The following RANBP17 variants were observed in gnomAD, a reference collection of about 807,000 sequenced individuals.
RANBP17 encodes RAN binding protein 17.
Under a neutral mutation model 141.2 loss-of-function variants are expected in RANBP17, and 158 were observed. That is an observed-to-expected ratio of 1.12 (90% CI 0.98 to 1.28). The LOEUF is 1.28. RANBP17 is among the 50% of genes most tolerant of loss of function. RANBP17 has a pLI of 0.00. For missense variants in RANBP17, 1,438 were observed against 1,290.7 expected (o/e 1.11, Z -1.75); for synonymous variants, 430 against 450.0 (o/e 0.96, Z 0.56).
At chr5:170,918,014 A>G (rs1051903873) in intron 9 of RANBP17, among the ~76,000 whole-genome samples, 2 of 152,114 alleles carry the variant, frequency 1.3e-5, no homozygotes, top group African/African-American at 4.8e-5. Flanking sequence ...ATTCTGTTTC[A>G]TCCCAGCTAC....
chr5:170,953,688 A>G lies in RANBP17; in HGVS notation c.1560A>G (p.Gly520=). The change falls in exon 13 of 28, where the codon GGA becomes GGG. Residue 520 remains glycine, a synonymous_variant. Coordinates refer to ENST00000523189, the MANE Select transcript of RANBP17 (RefSeq NM_022897.5). ...TSTDEHDAMD[G]ELSCRVFQLI... is the part of the protein sequence containing the mutation. The stretch of plus-strand genomic sequence containing the variant: ...CAGATGAGCATGATGCTATGGATGG[A>G]GAATTATCCTGTCGGTAAGTAAGAG... 2 of 1,598,534 alleles carry G rather than the reference A, an allele frequency of 1.3e-6. No individual in the cohort carries two copies. Among genetic ancestry groups the G allele is most frequent in the South Asian group, 1.1e-5 (1 of 90,098 alleles).
chr5:170,932,162 T>C (rs936165049), intron 12 of RANBP17, among the ~76,000 whole-genome samples: 20 of 152,210 alleles, frequency 1.3e-4, no homozygotes, highest in African/African-American at 4.3e-4. Context: ...TTATTCTCTT[T>C]GAAGCAATTG....
At chr5:171,050,245 T>C (rs1054750567) in intron 14 of RANBP17, among the ~76,000 whole-genome samples, 3 of 152,200 alleles carry the variant, frequency 2.0e-5, no homozygotes, top group Non-Finnish European at 4.4e-5. Flanking sequence ...AAACTACTAT[T>C]AGTATCTTCA....
At chr5:171,056,152 C>T (rs979906631) in intron 14 of RANBP17, among the ~76,000 whole-genome samples, 1 of 152,134 alleles carries the variant, frequency 6.6e-6, no homozygotes, top group African/African-American at 2.4e-5. Context: ...AAGATTACTT[C>T]AGTTTTCTAT....
intron 5 of RANBP17, chr5:170,903,985 C>CT (rs1179935769): frequency 1.4e-5 from 7 of 485,440 alleles, no homozygotes; most frequent in Non-Finnish European, 2.8e-5. Flanking sequence ...AACATTCCTA[C>CT]TAAAAGATTG....
At position 171,161,928 on chromosome 5, in the gene RANBP17, C is replaced by T. The variant is rs189609908; in HGVS notation, c.1711-8202C>T. On this transcript the variant is annotated intron_variant, in intron 14 of 27. Coordinates refer to ENST00000523189, the MANE Select transcript of RANBP17 (RefSeq NM_022897.5). ...AAATATTTTACTTCCCAGTTCCCCA[C>T]CTCTGCTATCACCCTCTCACAAACT... 2.0e-5 allele frequency among the ~76,000 whole-genome samples: 3 copies of T among 152,350 alleles called. No individual in the cohort carries two copies. The East Asian group carries it at 5.8e-4, about 29-fold the overall frequency.
At chr5:170,972,104 C>T (rs2127535832) in intron 14 of RANBP17, among the ~76,000 whole-genome samples, 1 of 150,368 alleles carries the variant, frequency 6.7e-6, no homozygotes, top group African/African-American at 2.5e-5. Context: ...TTCTACATTT[C>T]TGTGTATATA....
chr5:170,874,055 A>G (rs901709487), intron 1 of RANBP17, among the ~76,000 whole-genome samples: 1 of 152,086 alleles, frequency 6.6e-6, no homozygotes, highest in Non-Finnish European at 1.5e-5. Context: ...CTTTGTTCTC[A>G]TTGGTTTCAT....
intron 24 of RANBP17, among the ~76,000 whole-genome samples, chr5:171,260,317 A>AT (rs1304960417): frequency 2.1e-4 from 32 of 150,336 alleles, no homozygotes; most frequent in African/African-American, 7.6e-4. Context: ...AAAAAAAAAA[A>AT]ATTATCTGGG....
At chr5:170,921,864 C>G (rs895526242) in intron 11 of RANBP17, among the ~76,000 whole-genome samples, 1 of 152,142 alleles carries the variant, frequency 6.6e-6, no homozygotes, top group Non-Finnish European at 1.5e-5. Flanking sequence ...GTTTTGTTCC[C>G]TTGCTGGTGA....
At chr5:171,264,247 A>G (rs565833637) in intron 24 of RANBP17, among the ~76,000 whole-genome samples, 2 of 152,274 alleles carry the variant, frequency 1.3e-5, no homozygotes, top group East Asian at 1.9e-4. Context: ...CTCAGGTAGA[A>G]GGAAGGTAGG....
In RANBP17 at chr5:171,293,886, A is replaced by G; in HGVS notation, c.2947A>G (p.Met983Val). 6.2e-7 allele frequency: 1 copy of G among 1,611,276 alleles called. No individual in the cohort carries two copies. The highest frequency in any genetic ancestry group is 8.5e-7 in the Non-Finnish European group (1 of 1,177,536). The change falls in exon 26 of 28, where the codon ATG (methionine) becomes GTG (valine). Residue 983 changes from methionine to valine, a missense_variant. Met to Val is a conservative substitution (Grantham distance 21). Coordinates refer to ENST00000523189, the MANE Select transcript of RANBP17 (RefSeq NM_022897.5). ...QQNPDVLQQM[M>V]SVLMNTIVFE... ...TTTATGTGATTCTATCTTCTAGATGATGTCTGTCCTCATGAACACCATTGT... is the reference window on the plus strand; with the variant it reads ...TTTATGTGATTCTATCTTCTAGATGGTGTCTGTCCTCATGAACACCATTGT...
chr5:171,159,384 G>T (rs954199801), intron 14 of RANBP17, among the ~76,000 whole-genome samples: 1 of 152,086 alleles, frequency 6.6e-6, no homozygotes, highest in Non-Finnish European at 1.5e-5. Flanking sequence ...GTCCTGGCTC[G>T]CCATCAGTCA....
Position 171,199,750 on chromosome 5 carries a change from A to T in RANBP17, c.2119A>T (p.Asn707Tyr). 6.2e-7 allele frequency: 1 copy of T among 1,604,462 alleles called. No homozygotes were observed. Among genetic ancestry groups the T allele is most frequent in the South Asian group, 1.1e-5 (1 of 89,806 alleles). ...FETVLQIFNN[N>Y]FKQEDVKRML... is the part of the protein sequence containing the mutation. ...AACAGTATTACAAATATTCAACAAC[A>T]ACTTTAAACAAGAAGATGTAAAGGT... The change falls in exon 19 of 28, where the codon AAC becomes TAC. Residue 707 changes from asparagine (N) to tyrosine (Y), a missense_variant. Coordinates refer to ENST00000523189, the MANE Select transcript of RANBP17 (RefSeq NM_022897.5).
rs116353634 is a variant in RANBP17, at chr5:171,014,607, T to C, written c.1710+46230T>C. Among the ~76,000 whole-genome samples the C allele has an allele frequency of 3.9e-3, 593 of 152,144 alleles. 4 individuals carry two copies. Among genetic ancestry groups the C allele is most frequent in the South Asian group, 6.8e-3 (33 of 4,822 alleles). ...TTCCTCCCTGGCTGACCTTGTTCTA[T>C]TGTTGTCATATATTTTACTTATATA... On this transcript the variant is annotated intron_variant, in intron 14 of 27. Transcript: ENST00000523189.
intron 14 of RANBP17, among the ~76,000 whole-genome samples, chr5:171,133,387 T>C (rs959335147): frequency 6.6e-6 from 1 of 152,200 alleles, no homozygotes; most frequent in African/African-American, 2.4e-5. Context: ...AAATGCCAAA[T>C]AACTTGATAC....
At chr5:171,185,115 A>G (rs1030304656) in intron 18 of RANBP17, among the ~76,000 whole-genome samples, 2 of 152,228 alleles carry the variant, frequency 1.3e-5, no homozygotes, top group African/African-American at 4.8e-5. Context: ...GTGAGTCGAC[A>G]TCGTGCCACT....
chr5:170,924,275 T>C (rs1772729380), intron 11 of RANBP17, 82 bp from the exon 12 acceptor site: 1 of 914,824 alleles, frequency 1.1e-6, no homozygotes, highest in Non-Finnish European at 1.6e-6. Flanking sequence ...TATAGAATTT[T>C]TATTTAACAT....
chr5:171,145,096 A>G (rs1757949296), intron 14 of RANBP17, among the ~76,000 whole-genome samples: 3 of 152,246 alleles, frequency 2.0e-5, no homozygotes, highest in Admixed American at 6.5e-5. Context: ...AGCATATACT[A>G]TGAAGGCTAG....
Sources: allele counts gnomAD v4.1 joint callset (sites outside exome capture counted in the v4.1 genomes callset), GRCh38; gene constraint gnomAD v4.1.1; transcripts MANE v1.5; gene names NCBI Gene and HGNC (gene_info 2026-07-23, HGNC 2026-07-21).